Variants in TNIK observed in about 807,000 individuals in gnomAD.
The protein encoded by TNIK is TRAF2 and NCK-interacting protein kinase.
Under a neutral mutation model 191.3 loss-of-function variants are expected in TNIK, and 49 were observed. That is an observed-to-expected ratio of 0.26 (90% CI 0.20 to 0.32). The LOEUF is 0.32. TNIK is among the 10% of genes least tolerant of loss of function. TNIK has a pLI of 1.00. For missense variants in TNIK, 1,155 were observed against 1,702.3 expected, an observed-to-expected ratio of 0.68 and a Z score of 5.66; for synonymous variants, 594 against 600.9, an observed-to-expected ratio of 0.99 and a Z score of 0.17.
chr3:171,111,447 C>A (rs541801008), intron 18 of TNIK, among the ~76,000 whole-genome samples: 1 of 151,824 alleles, frequency 6.6e-6, no homozygotes, highest in African/African-American at 2.4e-5. Context: ...AAAACCCCAC[C>A]AAACCACAAT....
chr3:171,308,368 C>G (rs889872139), intron 2 of TNIK, among the ~76,000 whole-genome samples: 1 of 151,736 alleles, frequency 6.6e-6, no homozygotes, highest in African/African-American at 2.4e-5. Context: ...AACTGGTTAG[C>G]CATCCTGCAC....
chr3:171,442,420 G>T (rs1319354921), intron 1 of TNIK, among the ~76,000 whole-genome samples: 1 of 152,110 alleles, frequency 6.6e-6, no homozygotes, highest in Non-Finnish European at 1.5e-5. Context: ...GGGGGTTGGG[G>T]GACTGAACTG....
intron 1 of TNIK, among the ~76,000 whole-genome samples, chr3:171,450,053 T>C (rs1252595075): frequency 6.6e-6 from 1 of 152,094 alleles, no homozygotes; most frequent in African/African-American, 2.4e-5. Flanking sequence ...AAAAAAAAAT[T>C]AAACAAATTT....
At chr3:171,333,501 G>A (rs1159844685) in intron 2 of TNIK, among the ~76,000 whole-genome samples, 1 of 151,386 alleles carries the variant, frequency 6.6e-6, no homozygotes, top group African/African-American at 2.4e-5. Context: ...AGGTTGCAGG[G>A]AGGCAGAGGT....
chr3:171,093,373 G>T (rs373453117), intron 23 of TNIK, among the ~76,000 whole-genome samples: 1 of 152,092 alleles, frequency 6.6e-6, no homozygotes, highest in East Asian at 1.9e-4. Context: ...ATAACTTAAC[G>T]GTTGTTTTAA....
intron 2 of TNIK, among the ~76,000 whole-genome samples, chr3:171,278,743 C>T (rs939848530): frequency 2.6e-5 from 4 of 152,228 alleles, no homozygotes; most frequent in African/African-American, 9.6e-5. Context: ...AATCATACCT[C>T]TTAGCATTAG....
Position 171,060,421 on chromosome 3 carries a change from A to G in TNIK, c.*3460T>C, listed in dbSNP as rs1235817630. Among the ~76,000 whole-genome samples the G allele has an allele frequency of 1.3e-5, 2 of 152,174 alleles. No individual in the cohort carries two copies. The highest frequency in any genetic ancestry group is 2.9e-5 in the Non-Finnish European group (2 of 68,022). ...TTTTAAAAAACATGTACTTGATGCA[A>G]AGTATATTAGGAGTGCACCCTAGAA... On this transcript the variant is annotated 3_prime_UTR_variant, in exon 33 of 33. Coordinates refer to ENST00000436636, the MANE Select transcript of TNIK (RefSeq NM_015028.4).
intron 12 of TNIK, among the ~76,000 whole-genome samples, chr3:171,141,187 C>CATA (rs879390403): frequency 0.058 from 8,824 of 152,312 alleles, 310 homozygotes; most frequent in Middle Eastern, 0.13. Context: ...TACCATGCCT[C>CATA]CAACAGTGGA....
At chr3:171,168,614 A>G (rs916370465) in intron 9 of TNIK, among the ~76,000 whole-genome samples, 2 of 152,080 alleles carry the variant, frequency 1.3e-5, no homozygotes, top group Non-Finnish European at 1.5e-5. Flanking sequence ...TCTAAGCTAC[A>G]TTCAAGCTTT....
intron 2 of TNIK, among the ~76,000 whole-genome samples, chr3:171,303,821 G>C (rs143142668): frequency 6.6e-6 from 1 of 152,282 alleles, no homozygotes; most frequent in African/African-American, 2.4e-5. Flanking sequence ...GTGGTGTTAA[G>C]AAAAATATCA....
Position 171,432,136 on chromosome 3 carries a change from A to G in TNIK, c.57+27871T>C, listed in dbSNP as rs577716204. On this transcript the variant is annotated intron_variant, in intron 1 of 32. Transcript: ENST00000436636. ...GAGAAGAAAAGATTGAAATGAGGAC[A>G]CAAATGAAAAGAAAGAATACAAGGA... Among the ~76,000 whole-genome samples, 6 of 152,354 alleles carry G rather than the reference A, an allele frequency of 3.9e-5. No individual in the cohort carries two copies. In the South Asian group the frequency reaches 1.2e-3, roughly 32 times the overall value.
intron 18 of TNIK, among the ~76,000 whole-genome samples, chr3:171,113,410 C>G (rs982559980): frequency 2.0e-5 from 3 of 152,090 alleles, no homozygotes; most frequent in Admixed American, 6.6e-5. Context: ...TCGAGACCAT[C>G]CTGGCTAACA....
chr3:171,269,762 G>GT (rs1748860791), intron 2 of TNIK, among the ~76,000 whole-genome samples: 1 of 152,206 alleles, frequency 6.6e-6, no homozygotes, highest in Middle Eastern at 3.2e-3. Flanking sequence ...TTTGCTTCAT[G>GT]TTTAGAGGGA....
intron 1 of TNIK, among the ~76,000 whole-genome samples, chr3:171,448,392 C>T (rs1011990303): frequency 5.3e-5 from 8 of 152,110 alleles, no homozygotes; most frequent in African/African-American, 1.9e-4. Flanking sequence ...TCGTGTTTGG[C>T]TTTTTTCACA....
chr3:171,138,434 C>T (rs1030106091), intron 14 of TNIK, 55 bp from the exon 15 acceptor site: 13 of 1,446,794 alleles, frequency 9.0e-6, no homozygotes, highest in South Asian at 1.5e-5. Context: ...ACATAGAAAT[C>T]ATCGGCCAGT....
rs147263548 is a variant in TNIK, at chr3:171,206,335, G to GTGTATATATATATATATATATATA, written c.306+4780_306+4781insTATATATATATATATATATATACA. Among the ~76,000 whole-genome samples the GTGTATATATATATATATATATATA allele has an allele frequency of 3.0e-5, 4 of 133,030 alleles. No homozygotes were observed. In the Admixed American group the frequency reaches 3.3e-4, roughly 11 times the overall value. 87.3% of individuals were successfully genotyped at this position (133,030 alleles called of 152,430 possible). On this transcript the variant is annotated intron_variant, in intron 4 of 32. Coordinates refer to ENST00000436636, the MANE Select transcript of TNIK (RefSeq NM_015028.4). ...AATATATGGAGATATATATGTTCGTGTATATATATATATATATATGGAAGA... is the reference window on the plus strand; with the variant it reads ...AATATATGGAGATATATATGTTCGTGTGTATATATATATATATATATATATATATATATATATATATATGGAAGA...
intron 1 of TNIK, among the ~76,000 whole-genome samples, chr3:171,375,835 T>C (rs1717137336): frequency 6.6e-6 from 1 of 152,186 alleles, no homozygotes; most frequent in Non-Finnish European, 1.5e-5. Context: ...ACACGGATCA[T>C]GAGCAAATGG....
chr3:171,071,367 C>T (rs548325281), intron 28 of TNIK, 44 bp from the exon 29 acceptor site: 17 of 1,354,480 alleles, frequency 1.3e-5, no homozygotes, highest in Admixed American at 2.1e-5. Flanking sequence ...TCAATTTACT[C>T]AAGTTCTTTG....
At chr3:171,375,781 CAT>C (rs1717128471) in intron 1 of TNIK, among the ~76,000 whole-genome samples, 1 of 152,170 alleles carries the variant, frequency 6.6e-6, no homozygotes, top group Admixed American at 6.5e-5. Flanking sequence ...AAAGATGATA[CAT>C]ATTCTTTCCA....
Sources: allele counts gnomAD v4.1 joint callset (sites outside exome capture counted in the v4.1 genomes callset), GRCh38; gene constraint gnomAD v4.1.1; transcripts MANE v1.5; gene names NCBI Gene and HGNC (gene_info 2026-07-23, HGNC 2026-07-21).